The following DLG2 variants were observed in gnomAD, a reference collection of about 807,000 sequenced individuals.
The protein encoded by DLG2 is disks large homolog 2.
Under a neutral mutation model 132.5 loss-of-function variants are expected in DLG2, and 45 were observed. That is an observed-to-expected ratio of 0.34 (90% confidence interval 0.27 to 0.44). The LOEUF is 0.44. Among genes scored for constraint, DLG2 ranks in the 20% least tolerant of loss-of-function variants. DLG2 has a pLI of 1.00. For missense variants in DLG2, 1,045 were observed against 1,196.9 expected (o/e 0.87, Z 1.87); for synonymous variants, 424 against 419.6 (o/e 1.01, Z -0.13).
intron 6 of DLG2, among the ~76,000 whole-genome samples, chr11:84,540,345 G>GAAAAA (rs752804994): frequency 8.6e-6 from 1 of 116,376 alleles, no homozygotes; most frequent in Non-Finnish European, 1.8e-5. Flanking sequence ...AAATTTACAA[G>GAAAAA]AAAAAAAAAA....
At chr11:84,818,070 G>A (rs1195350578) in intron 6 of DLG2, among the ~76,000 whole-genome samples, 2 of 151,928 alleles carry the variant, frequency 1.3e-5, no homozygotes, top group African/African-American at 2.4e-5. Flanking sequence ...AATCTTAACT[G>A]ATGCCTCACA....
chr11:83,871,638 G>GCTCAGTCACAGTGATTATGTGT (rs6144417), intron 16 of DLG2, among the ~76,000 whole-genome samples: 13,949 of 151,810 alleles, frequency 0.092, 817 homozygotes, highest in African/African-American at 0.16. Flanking sequence ...CCCACTATGT[G>GCTCAGTCACAGTGATTATGTGT]CACGTTATCT....
At chr11:85,154,894 G>A (rs933583173) in intron 4 of DLG2, among the ~76,000 whole-genome samples, 3 of 152,210 alleles carry the variant, frequency 2.0e-5, no homozygotes, top group African/African-American at 4.8e-5. Context: ...CCAGCAGGGA[G>A]TGTTGAACAT....
intron 10 of DLG2, among the ~76,000 whole-genome samples, chr11:84,068,999 G>A (rs1160447239): frequency 6.6e-6 from 1 of 152,162 alleles, no homozygotes; most frequent in Non-Finnish European, 1.5e-5. Context: ...GTCGGGTCCA[G>A]GACCATACTG....
chr11:84,060,675 T>C (rs1480394287), intron 10 of DLG2, among the ~76,000 whole-genome samples: 1 of 152,142 alleles, frequency 6.6e-6, no homozygotes, highest in Non-Finnish European at 1.5e-5. Flanking sequence ...ATAACATTAA[T>C]AATGGTTAAG....
At chr11:84,920,085 C>G (rs2092686575) in intron 6 of DLG2, among the ~76,000 whole-genome samples, 1 of 152,176 alleles carries the variant, frequency 6.6e-6, no homozygotes, top group African/African-American at 2.4e-5. Context: ...ATTTCATTTC[C>G]TTCTGTTGAA....
chr11:85,558,749 A>C (rs746229335), intron 3 of DLG2, among the ~76,000 whole-genome samples: 1 of 151,798 alleles, frequency 6.6e-6, no homozygotes, highest in Non-Finnish European at 1.5e-5. Context: ...TTGGATACTC[A>C]TGGGCATAAA....
chr11:84,406,282 C>T (rs1271392902), intron 7 of DLG2, among the ~76,000 whole-genome samples: 2 of 152,076 alleles, frequency 1.3e-5, no homozygotes, highest in Non-Finnish European at 2.9e-5. Context: ...CAAACTAATA[C>T]CTGACCTTTT....
At chr11:85,008,847 C>A (rs995670186) in intron 6 of DLG2, among the ~76,000 whole-genome samples, 2 of 151,802 alleles carry the variant, frequency 1.3e-5, no homozygotes, top group African/African-American at 4.8e-5. Context: ...CTGATTGATG[C>A]TATAATGAAA....
intron 7 of DLG2, among the ~76,000 whole-genome samples, chr11:84,332,617 T>C (rs555111167): frequency 4.6e-5 from 7 of 150,714 alleles, no homozygotes; most frequent in Admixed American, 2.0e-4. Context: ...GTGCTGGGAT[T>C]AAAGGCGTGA....
chr11:84,243,017 C>CTCTCTCTCTATATATA (rs542476924), intron 8 of DLG2, among the ~76,000 whole-genome samples: 26 of 142,202 alleles, frequency 1.8e-4, no homozygotes, highest in East Asian at 1.0e-3. Context: ...CTCTCTCTCT[C>CTCTCTCTCTATATATA]TATATATATA....
chr11:83,908,770 G>T (rs1000472595), intron 15 of DLG2, among the ~76,000 whole-genome samples: 9 of 151,922 alleles, frequency 5.9e-5, no homozygotes, highest in African/African-American at 2.2e-4. Flanking sequence ...GGGTCTTACT[G>T]TCACCGAGGT....
chr11:85,336,367 C>T (rs954771110), intron 3 of DLG2: 1 of 153,016 alleles, frequency 6.5e-6, no homozygotes, highest in Non-Finnish European at 1.5e-5. Context: ...TTGAGATCCC[C>T]CCCTGCCAAA....
chr11:85,585,253 T>C lies in DLG2; in HGVS notation c.40+13404A>G, dbSNP rs550462147. Among the ~76,000 whole-genome samples the C allele has an allele frequency of 2.6e-5, 4 of 152,336 alleles. No individual in the cohort carries two copies. The East Asian group carries it at 7.7e-4, about 29-fold the overall frequency. On this transcript the variant is annotated intron_variant, in intron 3 of 27. Coordinates refer to ENST00000376104, the MANE Select transcript of DLG2 (RefSeq NM_001142699.3). ...GATTATCCCAGAACCATTTGTTGAA[T>C]AGGGTGTCCTTTCCCCACCTTATGT...
At chr11:84,034,721 C>T (rs1201576995) in intron 11 of DLG2, among the ~76,000 whole-genome samples, 5 of 152,140 alleles carry the variant, frequency 3.3e-5, no homozygotes, top group African/African-American at 1.2e-4. Context: ...CAGCAAGTAG[C>T]CAGAGTGCAG....
At chr11:85,292,334 G>A (rs1337225399) in intron 3 of DLG2, among the ~76,000 whole-genome samples, 1 of 151,964 alleles carries the variant, frequency 6.6e-6, no homozygotes, top group Non-Finnish European at 1.5e-5. Flanking sequence ...CCTGGAACTA[G>A]AGGAATAAAG....
At chr11:84,508,479 T>C (rs970354912) in intron 7 of DLG2, among the ~76,000 whole-genome samples, 1 of 150,632 alleles carries the variant, frequency 6.6e-6, no homozygotes, top group African/African-American at 2.4e-5. Context: ...CTCAGCTCAC[T>C]GCAACCTCCG....
At position 85,362,195 on chromosome 11, in the gene DLG2, G is replaced by A. The variant is rs559432575; in HGVS notation, c.41-76830C>T. 1.9e-3 allele frequency among the ~76,000 whole-genome samples: 292 copies of A among 152,206 alleles called. 1 individual carries two copies. Among genetic ancestry groups the A allele is most frequent in the African/African-American group, 6.3e-3 (260 of 41,532 alleles). On this transcript the variant is annotated intron_variant, in intron 3 of 27. Coordinates refer to ENST00000376104, the MANE Select transcript of DLG2 (RefSeq NM_001142699.3). ...GGTCTTGAACTCCTGGGCTCAAGCC[G>A]TTTCCCACCTTGGGCACCCCAAGTG...
intron 16 of DLG2, among the ~76,000 whole-genome samples, chr11:83,838,249 T>C (rs1003518216): frequency 2.0e-5 from 3 of 152,174 alleles, no homozygotes; most frequent in Non-Finnish European, 4.4e-5. Context: ...ATAGAGAAAG[T>C]ATAGGAAAAT....
Sources: gnomAD v4.1 joint callset for allele counts (sites outside exome capture counted in the v4.1 genomes callset) on GRCh38, gnomAD v4.1.1 for gene constraint, MANE v1.5 for transcripts, NCBI Gene and HGNC (gene_info 2026-07-23, HGNC 2026-07-21) for gene names.